DDX41: variants seen among roughly 807,000 people sequenced by gnomAD.
DDX41 encodes DEAD-box helicase 41.
Under a neutral mutation model 78.8 loss-of-function variants are expected in DDX41, and 50 were observed. The ratio of observed to expected loss-of-function variants is 0.63; its 90% CI spans 0.51 to 0.80. The LOEUF (loss-of-function observed/expected upper bound fraction) is 0.80. Among genes scored for constraint, DDX41 ranks in the 30% least tolerant of loss-of-function variants. The pLI, the probability that DDX41 is intolerant of heterozygous loss-of-function variation, is 0.00. For synonymous variants in DDX41, 381 were observed against 321.5 expected, an observed-to-expected ratio of 1.19 and a Z score of -1.98; for missense variants, 633 against 849.2, an observed-to-expected ratio of 0.75 and a Z score of 3.16.
At chr5:177,512,960 C>A in intron 12 of DDX41, 51 bp downstream of exon 12, 2 of 1,610,020 alleles carry the variant, frequency 1.2e-6, no homozygotes, top group Non-Finnish European at 1.7e-6. Flanking sequence ...CCCTCCAAAG[C>A]CCTCCCTGGT....
chr5:177,515,939 TG>T lies in DDX41; in HGVS notation c.423del (p.Ile142SerfsTer12). 1 of 1,614,154 alleles carries T rather than the reference TG, an allele frequency of 6.2e-7. No individual in the cohort carries two copies. On this transcript the variant is annotated frameshift_variant, in exon 5 of 17. Transcript: ENST00000330503. LOFTEE classifies it high-confidence loss of function. Reference sequence around the variant, plus strand: ...ACTGTACAGACATACCTGGTTTTGATGGGGTCATCATACGTAATGCCCTTAG... The same window carrying T: ...ACTGTACAGACATACCTGGTTTTGATGGGTCATCATACGTAATGCCCTTAG... ...EMAKGITYDD[P>X]IKTSWTPPRY...
intron 4 of DDX41, 24 bp from the exon 5 acceptor site, chr5:177,516,013 G>T (rs767912797): frequency 1.9e-5 from 31 of 1,614,152 alleles, no homozygotes; most frequent in Non-Finnish European, 2.5e-5. Context: ...CATGGCTCAG[G>T]GCTGGCTCCT....
At chr5:177,516,692 G>A in intron 2 of DDX41, 33 bp downstream of exon 2, 1 of 1,556,352 alleles carries the variant, frequency 6.4e-7, no homozygotes, top group Non-Finnish European at 8.7e-7. Flanking sequence ...CCGCGGTCAC[G>A]GCCCCATCCC....
In DDX41 at chr5:177,516,737, G is replaced by A. The variant is rs201516083; in HGVS notation, c.126C>T (p.Arg42=). The A allele has an allele frequency of 1.9e-6, 3 of 1,604,028 alleles. No individual in the cohort carries two copies. The African/African-American group carries it at 4.0e-5, about 21-fold the overall frequency. The part of the protein sequence containing the change: ...DYVPYVPLRQ[R]RQLLLQKLLQ... ...GCGTGCCCCTCACCAGTAGCTGCCG[G>A]CGCTGCCGTAACGGCACATAGGGCA... is the stretch of plus-strand genomic sequence containing the variant. Residue 42 remains arginine, a synonymous_variant, in exon 2 of 17, where the codon CGC becomes CGT. Transcript: ENST00000330503.
intron 6 of DDX41, 53 bp from the exon 7 acceptor site, chr5:177,515,311 C>G (rs1457391174): frequency 6.3e-7 from 1 of 1,587,002 alleles, no homozygotes; most frequent in Non-Finnish European, 8.7e-7. Context: ...TTTCTCAGAG[C>G]CCCAAAGCCT....
Position 177,512,889 on chromosome 5 carries a change from A to G in DDX41, c.1303-13T>C, listed in dbSNP as rs1761040521. 1 of 1,613,306 alleles carries G rather than the reference A, an allele frequency of 6.2e-7. No individual in the cohort carries two copies. On this transcript the variant is annotated splice_polypyrimidine_tract_variant and intron_variant, in intron 12 of 16. Transcript: ENST00000330503. ...CAAAGATGAGTACCTGTCCGGAAAGACCAACTCCAGTCAGGGGCTAACTGC... is the reference window on the plus strand; with the variant it reads ...CAAAGATGAGTACCTGTCCGGAAAGGCCAACTCCAGTCAGGGGCTAACTGC...
Position 177,515,301 on chromosome 5 carries a change from T to C in DDX41, c.572-43A>G, listed in dbSNP as rs1761173112. ...CATCGTCTTCATGACTCACAGGTAC[T>C]TTCTCAGAGCCCCAAAGCCTGTAAA... On this transcript the variant is annotated intron_variant, in intron 6 of 16. Coordinates refer to ENST00000330503, the MANE Select transcript of DDX41 (RefSeq NM_016222.4). The C allele has an allele frequency of 5.6e-6, 9 of 1,601,554 alleles. No individual in the cohort carries two copies. The East Asian group carries it at 1.8e-4, about 32-fold the overall frequency.
Position 177,513,346 on chromosome 5 carries a change from T to G in DDX41, c.1230+7A>C. On this transcript the variant is annotated splice_region_variant and intron_variant, in intron 11 of 16. Coordinates refer to ENST00000330503, the MANE Select transcript of DDX41 (RefSeq NM_016222.4). The surrounding 1 kb of genome is among the most constrained non-coding windows in gnomAD (Gnocchi z 4.6). ...TGAGAGACCGCCCATCAGGAGCACC[T>G]GCCCACCTGGATGACATCCAGGCTG... 1 of 1,613,926 alleles carries G rather than the reference T, an allele frequency of 6.2e-7. No homozygotes were observed. The highest frequency in any genetic ancestry group is 2.2e-5 in the East Asian group (1 of 44,898).
Position 177,515,540 on chromosome 5 carries a change from G to A in DDX41, c.571+145C>T, listed in dbSNP as rs946807402. 30 of 1,060,368 alleles carry A rather than the reference G, an allele frequency of 2.8e-5. No homozygotes were observed. The Admixed American group carries it at 3.4e-4, about 12-fold the overall frequency. The allele number at this position is 1,060,368 out of a possible 1,614,324, so 65.7% of individuals were successfully genotyped here. A position where few individuals can be genotyped will look rare whatever the true frequency, so the allele number is the denominator to read the frequency against. On this transcript the variant is annotated intron_variant, in intron 6 of 16. Transcript: ENST00000330503. ...GAACACGTACAGCTGAGGCAACAAG[G>A]AACCTAAAGAAACTCCTCCTCAAAT...
rs370860653 is a variant in DDX41, at chr5:177,515,647, T to C, written c.571+38A>G. On this transcript the variant is annotated intron_variant, in intron 6 of 16. Transcript: ENST00000330503. ...AGGACATAACCTCACAGGCATTTGATTATAAAAGTGTGGTATCTCTCTCCA... is the reference window on the plus strand; with the variant it reads ...AGGACATAACCTCACAGGCATTTGACTATAAAAGTGTGGTATCTCTCTCCA... The C allele has an allele frequency of 3.1e-6, 5 of 1,609,658 alleles. No homozygotes were observed. The African/African-American group carries it at 4.0e-5, about 13-fold the overall frequency.
Position 177,513,964 on chromosome 5 carries a change from C to T in DDX41, c.936-117G>A. On this transcript the variant is annotated intron_variant, in intron 9 of 16. Coordinates refer to ENST00000330503, the MANE Select transcript of DDX41 (RefSeq NM_016222.4). This position sits in a 1 kb window ranked among gnomAD's most constrained non-coding sequence, Gnocchi z 4.6. ...TCCTCCTTCCTATTTCTTTGTCTGT[C>T]CCCTTCTCATCATTCCCACCACCTG... is the stretch of plus-strand genomic sequence containing the variant. 5.6e-6 allele frequency: 6 copies of T among 1,068,636 alleles called. No individual in the cohort carries two copies. The South Asian group carries it at 5.8e-5, about 10-fold the overall frequency. 66.2% of individuals were successfully genotyped at this position (1,068,636 alleles called of 1,614,324 possible). A position where few individuals can be genotyped will look rare whatever the true frequency, so the allele number is the denominator to read the frequency against.
rs1761259465 is a variant in DDX41 at position 177,516,813 on chromosome 5, G to C, written c.50C>G (p.Pro17Arg). 5.0e-6 allele frequency: 8 copies of C among 1,612,600 alleles called. No individual in the cohort carries two copies. Among genetic ancestry groups the C allele is most frequent in the Non-Finnish European group, 6.8e-6 (8 of 1,179,848 alleles). Residue 17 changes from proline (P) to arginine (R), a missense_variant, in exon 2 of 17, where the codon CCT (proline) becomes CGT (arginine). Transcript: ENST00000330503. ...CGCCTCGGAGCGGCTTCCTCCGGCA[G>C]GCACCTCGTCGGTGCGAGCCCGCTG... ...ERKRARTDEV[P>R]AGGSRSEAED... is the part of the protein sequence containing the mutation.
In DDX41 at chr5:177,514,899, A is replaced by G; in HGVS notation, c.798+17T>C. On this transcript the variant is annotated intron_variant, in intron 8 of 16. Transcript: ENST00000330503. The surrounding 1 kb of genome is among the most constrained non-coding windows in gnomAD (Gnocchi z 4.2). ...AGCCCCAATCTCTGGCCTGCCCTCCAGGCCAGCCTATCTTACCGAGGGGCA... is the reference window on the plus strand; with the variant it reads ...AGCCCCAATCTCTGGCCTGCCCTCCGGGCCAGCCTATCTTACCGAGGGGCA... 6.2e-7 allele frequency: 1 copy of G among 1,603,530 alleles called. No individual in the cohort carries two copies. The highest frequency in any genetic ancestry group is 8.5e-7 in the Non-Finnish European group (1 of 1,171,694).
Position 177,515,074 on chromosome 5 carries a change from T to A in DDX41, c.645-5A>T. On this transcript the variant is annotated splice_region_variant and splice_polypyrimidine_tract_variant and intron_variant, in intron 7 of 16. Coordinates refer to ENST00000330503, the MANE Select transcript of DDX41 (RefSeq NM_016222.4). ...ATCATGTCACGGCCAGATAGACTGT[T>A]GGGAGAGGATGACCCGAGGGCCAAT... 6.2e-7 allele frequency: 1 copy of A among 1,611,950 alleles called. No individual in the cohort carries two copies. The highest frequency in any genetic ancestry group is 8.5e-7 in the Non-Finnish European group (1 of 1,178,274).
chr5:177,514,703 T>C lies in DDX41; in HGVS notation c.933A>G (p.Arg311=). 3 of 1,609,806 alleles carry C rather than the reference T, an allele frequency of 1.9e-6. No homozygotes were observed. The highest frequency in any genetic ancestry group is 2.5e-6 in the Non-Finnish European group (3 of 1,177,836). ...MSVKEQMETI[R]HGVHMMVATP... ...GGGCAGGGAGCGCCAGCACTCACTG[T>C]CGGATGGTCTCCATCTGCTCTTTCA... Residue 311 remains arginine (R), a splice_region_variant and synonymous_variant, in exon 9 of 17, where the codon CGA becomes CGG. Transcript: ENST00000330503. This position sits in a 1 kb window ranked among gnomAD's most constrained non-coding sequence, Gnocchi z 4.2.
In DDX41 at chr5:177,511,833, G is replaced by A. The variant is rs771561040; in HGVS notation, c.1827C>T (p.Ile609=). 20 of 1,614,026 alleles carry A rather than the reference G, an allele frequency of 1.2e-5. No homozygotes were observed. The Admixed American group carries it at 2.5e-4, about 20-fold the overall frequency. ...TGTGGGCCAGGTAGTCCTTGCGACC[G>A]ATGTTGCTGACCTGCTTGGTCTGCA... ...EAMQTKQVSN[I]GRKDYLAHSS... Residue 609 remains isoleucine, a synonymous_variant, in exon 17 of 17, where the codon ATC becomes ATT. Transcript: ENST00000330503.
chr5:177,513,140 C>G lies in DDX41; in HGVS notation c.1231-58G>C. 6.3e-7 allele frequency: 1 copy of G among 1,576,272 alleles called. No individual in the cohort carries two copies. Among genetic ancestry groups the G allele is most frequent in the Non-Finnish European group, 8.7e-7 (1 of 1,152,620 alleles). ...GAGATTAGGCTTACCCGCCACAGCC[C>G]TGCCATGGCCCGTCATCTGGACCAG... On this transcript the variant is annotated intron_variant, in intron 11 of 16. Coordinates refer to ENST00000330503, the MANE Select transcript of DDX41 (RefSeq NM_016222.4). This position sits in a 1 kb window ranked among gnomAD's most constrained non-coding sequence, Gnocchi z 4.6.
At position 177,514,143 on chromosome 5, in the gene DDX41, G is replaced by A. The variant is rs751429228; in HGVS notation, c.936-296C>T. ...GCTTTACTCTGGGCTCGCTTTCCTG[G>A]CCCACTGGCTTCACCTTTTCTGTGC... On this transcript the variant is annotated intron_variant, in intron 9 of 16. Transcript: ENST00000330503. This position sits in a 1 kb window ranked among gnomAD's most constrained non-coding sequence, Gnocchi z 4.2. The A allele has an allele frequency of 1.7e-6, 1 of 590,350 alleles. No homozygotes were observed. The highest frequency in any genetic ancestry group is 1.5e-5 in the South Asian group (1 of 65,760). The allele number at this position is 590,350 out of a possible 1,614,324, so 36.6% of individuals were successfully genotyped here. A position where few individuals can be genotyped will look rare whatever the true frequency, so the allele number is the denominator to read the frequency against.
chr5:177,515,092 G>T, intron 7 of DDX41, 23 bp from the exon 8 acceptor site: 2 of 1,611,754 alleles, frequency 1.2e-6, no homozygotes, highest in Non-Finnish European at 1.7e-6. Context: ...GATGACCCGA[G>T]GGCCAATTTC....
Sources: gnomAD v4.1 joint callset for allele counts on GRCh38, gnomAD v4.1.1 for gene constraint, Gnocchi (gnomAD v3.1) non-coding constraint, MANE v1.5 for transcripts, NCBI Gene and HGNC (gene_info 2026-07-23, HGNC 2026-07-21) for gene names.